The following AGAP1 variants were observed in gnomAD, a reference collection of about 807,000 sequenced individuals.
AGAP1 encodes ArfGAP with GTPase domain, ankyrin repeat and PH domain 1, also known as arf-GAP with GTPase, ANK repeat and PH domain-containing protein 1.
Under a neutral mutation model 105.3 loss-of-function variants are expected in AGAP1, and 29 were observed. That is an observed-to-expected ratio of 0.28 (90% CI 0.21 to 0.38). The LOEUF (loss-of-function observed/expected upper bound fraction) is 0.38, where lower values mean the gene tolerates loss of function less well. AGAP1 is among the 10% of genes least tolerant of loss of function. The pLI, the probability that AGAP1 is intolerant of heterozygous loss-of-function variation, is 1.00. For missense variants in AGAP1, 998 were observed against 1,165.1 expected (o/e 0.86, Z 2.09); for synonymous variants, 509 against 485.9 (o/e 1.05, Z -0.63).
chr2:235,565,908 T>C (rs1223096565), intron 1 of AGAP1, among the ~76,000 whole-genome samples: 2 of 152,170 alleles, frequency 1.3e-5, no homozygotes, highest in African/African-American at 4.8e-5. Context: ...TCCCAAGATA[T>C]TAAGAAACTG....
intron 6 of AGAP1, among the ~76,000 whole-genome samples, chr2:235,790,692 C>G (rs1225522860): frequency 6.6e-6 from 1 of 152,212 alleles, no homozygotes; most frequent in Non-Finnish European, 1.5e-5. Context: ...CCACTACCTT[C>G]TTATAACCTT....
Position 235,642,715 on chromosome 2 carries a change from A to G in AGAP1, c.164-66464A>G, listed in dbSNP as rs185141041. Among the ~76,000 whole-genome samples, 169 of 152,380 alleles carry G rather than the reference A, an allele frequency of 1.1e-3. No individual in the cohort carries two copies. The highest frequency in any genetic ancestry group is 3.9e-3 in the South Asian group (19 of 4,834). On this transcript the variant is annotated intron_variant, in intron 1 of 17. Transcript: ENST00000304032. The surrounding 1 kb of genome is among the most constrained non-coding windows in gnomAD (Gnocchi z 4.1). ...TTTGCTTCAGGAAGTTACAGCAGCCATAGAGGACTCTGCTTATGTGAGATG... is the reference window on the plus strand; with the variant it reads ...TTTGCTTCAGGAAGTTACAGCAGCCGTAGAGGACTCTGCTTATGTGAGATG...
At chr2:235,755,654 T>A (rs1252472156) in intron 6 of AGAP1, among the ~76,000 whole-genome samples, 1 of 152,256 alleles carries the variant, frequency 6.6e-6, no homozygotes, top group Non-Finnish European at 1.5e-5. Flanking sequence ...TTGGCTAGGC[T>A]GGTCTTGAAA....
rs1478458438 is a variant in AGAP1 at position 236,056,397 on chromosome 2, T to A, written c.2114+7116T>A. ...TACGGCCGTCGTGACAATTAAGGAG[T>A]TTCTGATGCTTAAGAATTTTTACTG... On this transcript the variant is annotated intron_variant, in intron 16 of 17. Coordinates refer to ENST00000304032, the MANE Select transcript of AGAP1 (RefSeq NM_001037131.3). The surrounding 1 kb of genome is among the most constrained non-coding windows in gnomAD (Gnocchi z 4.6). Among the ~76,000 whole-genome samples, 1 of 151,924 alleles carries A rather than the reference T, an allele frequency of 6.6e-6. No homozygotes were observed. The highest frequency in any genetic ancestry group is 1.5e-5 in the Non-Finnish European group (1 of 67,984).
At chr2:235,717,858 A>G (rs78794677) in intron 3 of AGAP1, among the ~76,000 whole-genome samples, 3,955 of 152,334 alleles carry the variant, frequency 0.026, 174 homozygotes, top group African/African-American at 0.085. Context: ...CAGTAGAACC[A>G]TGAAATACTA....
rs1421373471 is a variant in AGAP1 at position 236,038,552 on chromosome 2, T to A, written c.1800+1837T>A. Among the ~76,000 whole-genome samples, 1 of 152,184 alleles carries A rather than the reference T, an allele frequency of 6.6e-6. No homozygotes were observed. Among genetic ancestry groups the A allele is most frequent in the Non-Finnish European group, 1.5e-5 (1 of 68,036 alleles). The stretch of plus-strand genomic sequence containing the variant: ...ATTGCTCCCTTGGGAGGAGGACGCG[T>A]TGAGCAACCAAAGGTGGCCGACTCA... On this transcript the variant is annotated intron_variant, in intron 14 of 17. Coordinates refer to ENST00000304032, the MANE Select transcript of AGAP1 (RefSeq NM_001037131.3). The surrounding 1 kb of genome is among the most constrained non-coding windows in gnomAD (Gnocchi z 4.5).
intron 16 of AGAP1, among the ~76,000 whole-genome samples, chr2:236,069,189 T>G (rs2058432698): frequency 6.6e-6 from 1 of 151,962 alleles, no homozygotes; most frequent in African/African-American, 2.4e-5. Flanking sequence ...ATTAAATAAA[T>G]TATTACTTTA....
At chr2:235,755,732 C>T (rs981802198) in intron 6 of AGAP1, among the ~76,000 whole-genome samples, 3 of 152,234 alleles carry the variant, frequency 2.0e-5, no homozygotes, top group Admixed American at 1.3e-4. Context: ...TGACACACTG[C>T]ACCCAGCTTG....
In AGAP1 at chr2:235,623,348, A is replaced by C. The variant is rs2149274217; in HGVS notation, c.164-85831A>C. On this transcript the variant is annotated intron_variant, in intron 1 of 17. Coordinates refer to ENST00000304032, the MANE Select transcript of AGAP1 (RefSeq NM_001037131.3). The surrounding 1 kb of genome is among the most constrained non-coding windows in gnomAD (Gnocchi z 4.5). ...CAAGATTTGCTTTGCCTCGTTGTGT[A>C]AATATCGGCAAACCATGTTTTGGGG... Among the ~76,000 whole-genome samples the C allele has an allele frequency of 6.6e-6, 1 of 152,280 alleles. No homozygotes were observed. The highest frequency in any genetic ancestry group is 2.1e-4 in the South Asian group (1 of 4,820).
At chr2:235,774,365 C>T in intron 6 of AGAP1, 1 of 470,814 alleles carries the variant, frequency 2.1e-6, no homozygotes, top group South Asian at 1.5e-5. Context: ...CATGACTCAC[C>T]CCTGCTTCCA....
chr2:235,673,669 G>A (rs951553730), intron 1 of AGAP1, among the ~76,000 whole-genome samples: 1 of 152,150 alleles, frequency 6.6e-6, no homozygotes, highest in Non-Finnish European at 1.5e-5. Context: ...TTGGATTTCA[G>A]ATTGACAGCT....
rs111976861 is a variant in AGAP1, at chr2:235,875,251, T to C, written c.1051-8094T>C. Reference sequence around the variant, plus strand: ...ACTCCCGTTGTTTGTTTTCACCTTTTAGAATTCCTGGGACTAACAACAATT... The same window carrying C: ...ACTCCCGTTGTTTGTTTTCACCTTTCAGAATTCCTGGGACTAACAACAATT... On this transcript the variant is annotated intron_variant, in intron 9 of 17. Coordinates refer to ENST00000304032, the MANE Select transcript of AGAP1 (RefSeq NM_001037131.3). This position sits in a 1 kb window ranked among gnomAD's most constrained non-coding sequence, Gnocchi z 4.0. 6.6e-6 allele frequency among the ~76,000 whole-genome samples: 1 copy of C among 152,344 alleles called. No individual in the cohort carries two copies. The highest frequency in any genetic ancestry group is 2.4e-5 in the African/African-American group (1 of 41,572).
Position 236,036,817 on chromosome 2 carries a change from T to C in AGAP1, c.1800+102T>C. The C allele has an allele frequency of 6.7e-7, 1 of 1,502,634 alleles. No individual in the cohort carries two copies. The highest frequency in any genetic ancestry group is 8.9e-7 in the Non-Finnish European group (1 of 1,123,702). 93.1% of individuals were successfully genotyped at this position (1,502,634 alleles called of 1,614,324 possible). A position where few individuals can be genotyped will look rare whatever the true frequency, so the allele number is the denominator to read the frequency against. On this transcript the variant is annotated intron_variant, in intron 14 of 17. Transcript: ENST00000304032. The surrounding 1 kb of genome is among the most constrained non-coding windows in gnomAD (Gnocchi z 5.7). ...GGAGAAAATAGAGGACCAGTGTGAA[T>C]GACAGGACCTAGCTATTCTTTATGA...
intron 1 of AGAP1, among the ~76,000 whole-genome samples, chr2:235,636,115 GTAAATAAA>G (rs10587179): frequency 0.011 from 1,553 of 144,046 alleles, 30 homozygotes; most frequent in African/African-American, 0.032. Flanking sequence ...CTCTGTCTCA[GTAAATAAA>G]TAAATAAATA....
chr2:235,783,221 G>C (rs1956386846), intron 6 of AGAP1: 1 of 376,064 alleles, frequency 2.7e-6, no homozygotes, highest in Middle Eastern at 7.3e-4. Context: ...TCCTAAGGTA[G>C]TTTATAGCAA....
chr2:235,697,560 C>T (rs1950054699), intron 1 of AGAP1, among the ~76,000 whole-genome samples: 1 of 152,170 alleles, frequency 6.6e-6, no homozygotes, highest in African/African-American at 2.4e-5. Context: ...AGACTGTGCT[C>T]CCTTCACCTT....
chr2:235,754,195 A>G lies in AGAP1; in HGVS notation c.673+3707A>G, dbSNP rs1222051850. Among the ~76,000 whole-genome samples the G allele has an allele frequency of 6.6e-6, 1 of 152,180 alleles. No homozygotes were observed. The highest frequency in any genetic ancestry group is 2.4e-5 in the African/African-American group (1 of 41,444). On this transcript the variant is annotated intron_variant, in intron 6 of 17. Coordinates refer to ENST00000304032, the MANE Select transcript of AGAP1 (RefSeq NM_001037131.3). This position sits in a 1 kb window ranked among gnomAD's most constrained non-coding sequence, Gnocchi z 4.6. ...AAGCAAATCAGGTCCTGGGGCCTTA[A>G]GAACACACCAGCTTTGCCCACAGGT...
intron 16 of AGAP1, among the ~76,000 whole-genome samples, chr2:236,112,540 C>G (rs975369731): frequency 1.3e-5 from 2 of 152,212 alleles, no homozygotes; most frequent in African/African-American, 4.8e-5. Flanking sequence ...CTGTTCTTCA[C>G]TCTGCCTTGG....
intron 16 of AGAP1, among the ~76,000 whole-genome samples, chr2:236,070,094 G>A (rs923869834): frequency 2.6e-5 from 4 of 152,252 alleles, no homozygotes; most frequent in African/African-American, 4.8e-5. Context: ...GAGAGCATTC[G>A]TGTTAGGAGT....
Sources: gnomAD v4.1 joint callset for allele counts (sites outside exome capture counted in the v4.1 genomes callset) on GRCh38, gnomAD v4.1.1 for gene constraint, Gnocchi (gnomAD v3.1) non-coding constraint, MANE v1.5 for transcripts, NCBI Gene and HGNC (gene_info 2026-07-23, HGNC 2026-07-21) for gene names.